The following KMT2B variants were observed in gnomAD, a reference collection of about 807,000 sequenced individuals.
KMT2B encodes lysine methyltransferase 2B.
A neutral mutation model predicts 255.3 loss-of-function variants in KMT2B; 22 were observed. That is an observed-to-expected ratio of 0.09 (90% CI 0.06 to 0.12). The LOEUF is 0.12. Ranked by LOEUF, KMT2B falls within the 10% of genes least tolerant of loss-of-function variation. KMT2B has a pLI of 1.00. For missense variants in KMT2B, 3,149 were observed against 3,737.0 expected (o/e 0.84, Z 4.10); for synonymous variants, 1,730 against 1,498.1 (o/e 1.15, Z -3.57).
In KMT2B at chr19:35,728,961, C is replaced by T. The variant is rs756643011; in HGVS notation, c.4688-24C>T. The T allele has an allele frequency of 4.9e-5, 79 of 1,613,282 alleles. No homozygotes were observed. In the African/African-American group the frequency reaches 7.6e-4, roughly 16 times the overall value. ...CTGGCTCCGGGTCCTGATTCTTAGA[C>T]CTCCCTTCACATTTCCTCTTCAGCA... is the stretch of plus-strand genomic sequence containing the variant. On this transcript the variant is annotated intron_variant, in intron 20 of 36. Coordinates refer to ENST00000420124, the MANE Select transcript of KMT2B (RefSeq NM_014727.3).
rs768123037 is a variant in KMT2B at position 35,730,850 on chromosome 19, G to A, written c.5420G>A (p.Ser1807Asn). 1.2e-6 allele frequency: 2 copies of A among 1,608,006 alleles called. No individual in the cohort carries two copies. The highest frequency in any genetic ancestry group is 1.7e-6 in the Non-Finnish European group (2 of 1,177,006). ...AAEENQTIVHSPAPSSEPPGG... is the reference protein window; with the variant it reads ...AAEENQTIVHNPAPSSEPPGG... The stretch of plus-strand genomic sequence containing the variant: ...GAGGAGAACCAGACCATTGTGCACA[G>A]CCCCGCCCCTTCCTCAGGTGTGGCT... The change falls in exon 26 of 37, where the codon AGC becomes AAC. Residue 1807 changes from serine (S) to asparagine (N), a missense_variant. Coordinates refer to ENST00000420124, the MANE Select transcript of KMT2B (RefSeq NM_014727.3).
At position 35,737,723 on chromosome 19, in the gene KMT2B, G is replaced by A. The variant is rs1024847906; in HGVS notation, c.7638G>A (p.Glu2546=). The A allele has an allele frequency of 6.3e-7, 1 of 1,582,358 alleles. No individual in the cohort carries two copies. The highest frequency in any genetic ancestry group is 8.6e-7 in the Non-Finnish European group (1 of 1,163,978). The part of the protein sequence containing the change: ...EGATCDEEED[E]VQLRSTRRAT... ...CCACCTGTGATGAGGAAGAGGATGA[G>A]GTGCAGCTCAGGTCAACCAGGTATG... is the stretch of plus-strand genomic sequence containing the variant. Residue 2546 remains glutamate, a synonymous_variant, in exon 34 of 37, where the codon GAG becomes GAA. Transcript: ENST00000420124. This position sits in a 1 kb window ranked among gnomAD's most constrained non-coding sequence, Gnocchi z 5.3.
chr19:35,729,350 C>A, intron 22 of KMT2B, 54 bp downstream of exon 22: 1 of 1,545,422 alleles, frequency 6.5e-7, no homozygotes, highest in East Asian at 2.4e-5. Context: ...GGGGAGGCCT[C>A]CTCCGGTGCA....
chr19:35,727,043 C>A lies in KMT2B; in HGVS notation c.4004-113C>A. 1 of 674,664 alleles carries A rather than the reference C, an allele frequency of 1.5e-6. No homozygotes were observed. The highest frequency in any genetic ancestry group is 2.5e-6 in the Non-Finnish European group (1 of 396,568). 41.8% of individuals were successfully genotyped at this position (674,664 alleles called of 1,614,324 possible). A position where few individuals can be genotyped will look rare whatever the true frequency, so the allele number is the denominator to read the frequency against. ...GGAGCTTTTAGGGACTAGTAGGGGC[C>A]CAAAACAGGGGCATAGTGGAGGCAG... On this transcript the variant is annotated intron_variant, in intron 14 of 36. Transcript: ENST00000420124. The surrounding 1 kb of genome is among the most constrained non-coding windows in gnomAD (Gnocchi z 4.2).
At chr19:35,735,933 T>C (rs979841931) in intron 30 of KMT2B, 9 of 152,278 alleles carry the variant, frequency 5.9e-5, no homozygotes, top group African/African-American at 2.2e-4. Context: ...GCTCATAACA[T>C]ACAGTGTACT....
chr19:35,736,533 A>G (rs912963843), intron 30 of KMT2B, 157 bp from the exon 31 acceptor site: 1 of 817,046 alleles, frequency 1.2e-6, no homozygotes. Context: ...TGCAGGGCTC[A>G]CTGGGTAACT....
In KMT2B at chr19:35,722,767, A is replaced by G. The variant is rs549336038; in HGVS notation, c.2722+49A>G. 17 of 1,536,160 alleles carry G rather than the reference A, an allele frequency of 1.1e-5. 1 individual carries two copies. In the South Asian group the frequency reaches 1.7e-4, roughly 15 times the overall value. ...ATGTCAGGTTTGGGGATGACCCCAC[A>G]CTTGGGTGACATGCACCAAGAGCCT... On this transcript the variant is annotated intron_variant, in intron 5 of 36. Coordinates refer to ENST00000420124, the MANE Select transcript of KMT2B (RefSeq NM_014727.3).
At chr19:35,726,128 C>A (rs1969430764) in intron 13 of KMT2B, 108 bp from the exon 14 acceptor site, 1 of 798,914 alleles carries the variant, frequency 1.3e-6, no homozygotes, top group Non-Finnish European at 2.1e-6. Flanking sequence ...CTTACCTGTC[C>A]CTCCTTGCCT....
Position 35,732,171 on chromosome 19 carries a change from C to A in KMT2B, c.5665+36C>A, listed in dbSNP as rs760249243. On this transcript the variant is annotated intron_variant, in intron 27 of 36. Transcript: ENST00000420124. ...GGCATGTGGGGGTTGGGGGTGGAGC[C>A]GCGGAGGTGGGAGCTGCTGGTAACA... is the stretch of plus-strand genomic sequence containing the variant. The A allele has an allele frequency of 3.8e-6, 6 of 1,567,332 alleles. No individual in the cohort carries two copies. The Admixed American group carries it at 1.1e-4, about 29-fold the overall frequency.
At chr19:35,731,771 G>A in intron 26 of KMT2B, 137 bp from the exon 27 acceptor site, 1 of 699,088 alleles carries the variant, frequency 1.4e-6, no homozygotes, top group Non-Finnish European at 2.5e-6. Context: ...TAGCCTGGGT[G>A]GTCACTGGAA....
At position 35,720,876 on chromosome 19, in the gene KMT2B, G is replaced by C. The variant is rs1206043749; in HGVS notation, c.1529G>C (p.Ser510Thr). The C allele has an allele frequency of 2.5e-6, 4 of 1,594,854 alleles. No individual in the cohort carries two copies. The South Asian group carries it at 4.6e-5, about 18-fold the overall frequency. Residue 510 changes from serine to threonine, a missense_variant, in exon 3 of 37, where the codon AGT becomes ACT. Physicochemically the swap from Ser to Thr is moderately conservative, Grantham distance 58 (BLOSUM62 1). Transcript: ENST00000420124. ...STATGGPPED[S>T]PTVAPKSTTF... Reference sequence around the variant, plus strand: ...GCCACGGGAGGCCCTCCGGAAGACAGTCCCACCGTGGCCCCCAAAAGCACC... The same window carrying C: ...GCCACGGGAGGCCCTCCGGAAGACACTCCCACCGTGGCCCCCAAAAGCACC...
rs914338762 is a variant in KMT2B at position 35,725,883 on chromosome 19, C to A, written c.3885+65C>A. 56 of 1,369,002 alleles carry A rather than the reference C, an allele frequency of 4.1e-5. No homozygotes were observed. In the South Asian group the frequency reaches 5.8e-4, roughly 14 times the overall value. The allele number at this position is 1,369,002 out of a possible 1,614,324, so 84.8% of individuals were successfully genotyped here. A position where few individuals can be genotyped will look rare whatever the true frequency, so the allele number is the denominator to read the frequency against. ...AATATCACCACCACCCCCAAACTTG[C>A]TCTAGGCTGGGGCTCTCAGGAGGAG... On this transcript the variant is annotated intron_variant, in intron 13 of 36. Coordinates refer to ENST00000420124, the MANE Select transcript of KMT2B (RefSeq NM_014727.3). This position sits in a 1 kb window ranked among gnomAD's most constrained non-coding sequence, Gnocchi z 4.1.
intron 30 of KMT2B, among the ~76,000 whole-genome samples, chr19:35,734,844 C>T (rs1969856702): frequency 6.6e-6 from 1 of 152,136 alleles, no homozygotes; most frequent in South Asian, 2.1e-4. Flanking sequence ...TTTGGATTTT[C>T]TCATGACACA....
chr19:35,735,156 T>C, intron 30 of KMT2B: 1 of 152,534 alleles, frequency 6.6e-6, no homozygotes, highest in Non-Finnish European at 1.5e-5. Context: ...AGGTGGACTC[T>C]GGGGCACTGA....
At chr19:35,730,660 T>C in intron 25 of KMT2B, 44 bp downstream of exon 25, 2 of 1,613,902 alleles carry the variant, frequency 1.2e-6, no homozygotes, top group Non-Finnish European at 1.7e-6. Flanking sequence ...ACTCCATAGC[T>C]GGATCCCATT....
intron 20 of KMT2B, 28 bp downstream of exon 20, chr19:35,728,917 A>G: frequency 1.2e-6 from 2 of 1,611,356 alleles, no homozygotes; most frequent in Non-Finnish European, 1.7e-6. Flanking sequence ...TCCAGAAGCC[A>G]GGGCCCTGTG....
Position 35,721,017 on chromosome 19 carries a change from T to C in KMT2B, c.1670T>C (p.Val557Ala), listed in dbSNP as rs1227657296. 1 of 1,601,024 alleles carries C rather than the reference T, an allele frequency of 6.2e-7. No individual in the cohort carries two copies. Among genetic ancestry groups the C allele is most frequent in the East Asian group, 2.3e-5 (1 of 44,216 alleles). The change falls in exon 3 of 37, where the codon GTG becomes GCG. Residue 557 changes from valine to alanine, a missense_variant. Val to Ala is a moderately conservative substitution (Grantham distance 64). Around this residue, in one of 18 missense-constraint regions of KMT2B, gnomAD observed 1,188 missense variants for 1,106.4 expected, o/e 1.07. Transcript: ENST00000420124. ...MDEDPPKPPK[V>A]EVSPVLRPPI... is the part of the protein sequence containing the mutation. Reference sequence around the variant, plus strand: ...GAAGACCCCCCCAAACCCCCAAAGGTGGAGGTCTCACCTGTCCTGCGACCT... The same window carrying C: ...GAAGACCCCCCCAAACCCCCAAAGGCGGAGGTCTCACCTGTCCTGCGACCT...
chr19:35,737,422 C>G lies in KMT2B; in HGVS notation c.7550+159C>G. The stretch of plus-strand genomic sequence containing the variant: ...GTTAGCCAGGCTCCGTGGCTCATGC[C>G]TGTAATCCCGCCACTTTGGGAGGCC... On this transcript the variant is annotated intron_variant, in intron 33 of 36. Coordinates refer to ENST00000420124, the MANE Select transcript of KMT2B (RefSeq NM_014727.3). This position sits in a 1 kb window ranked among gnomAD's most constrained non-coding sequence, Gnocchi z 5.3. The G allele has an allele frequency of 1.1e-6, 1 of 923,584 alleles. No individual in the cohort carries two copies. Among genetic ancestry groups the G allele is most frequent in the East Asian group, 2.7e-5 (1 of 37,290 alleles). 57.2% of individuals were successfully genotyped at this position (923,584 alleles called of 1,614,324 possible). A position where few individuals can be genotyped will look rare whatever the true frequency, so the allele number is the denominator to read the frequency against.
chr19:35,725,375 C>G lies in KMT2B; in HGVS notation c.3642+42C>G, dbSNP rs184100677. 93 of 1,560,162 alleles carry G rather than the reference C, an allele frequency of 6.0e-5. No homozygotes were observed. In the African/African-American group the frequency reaches 1.2e-3, roughly 19 times the overall value. ...TCTTCACAGACCCCCAGCTCTCTGT[C>G]GGTCCTCACGGCCTGATTCCTTGGG... On this transcript the variant is annotated intron_variant, in intron 11 of 36. Coordinates refer to ENST00000420124, the MANE Select transcript of KMT2B (RefSeq NM_014727.3). The surrounding 1 kb of genome is among the most constrained non-coding windows in gnomAD (Gnocchi z 4.1).
Sources: allele counts gnomAD v4.1 joint callset (sites outside exome capture counted in the v4.1 genomes callset), GRCh38; gene constraint gnomAD v4.1.1; regional missense constraint gnomAD v4.1.1; non-coding constraint Gnocchi (gnomAD v3.1); transcripts MANE v1.5; gene names NCBI Gene and HGNC (gene_info 2026-07-23, HGNC 2026-07-21).